The following AQR variants were observed in gnomAD, a reference collection of about 807,000 sequenced individuals.
AQR encodes the protein RNA helicase aquarius.
In AQR, 61 loss-of-function variants were observed where a neutral mutation model predicts 180.5. The observed-to-expected ratio is 0.34, with a 90% confidence interval of 0.28 to 0.42. The LOEUF (loss-of-function observed/expected upper bound fraction) is 0.42. AQR is among the 10% of genes least tolerant of loss of function. The pLI is 1.00. For synonymous variants in AQR, 551 were observed against 588.8 expected (o/e 0.94, Z 0.93); for missense variants, 1,281 against 1,798.3 (o/e 0.71, Z 5.20).
At chr15:34,873,424 T>C (rs1772818931) in intron 30 of AQR, among the ~76,000 whole-genome samples, 1 of 152,172 alleles carries the variant, frequency 6.6e-6, no homozygotes, top group Admixed American at 6.6e-5. Context: ...ATTCATATTT[T>C]CCTGTTAGTC....
chr15:34,949,704 C>G (rs1894188806), intron 4 of AQR, among the ~76,000 whole-genome samples: 1 of 150,738 alleles, frequency 6.6e-6, no homozygotes, highest in African/African-American at 2.4e-5. Context: ...CACCTGTAAT[C>G]CCAGTACTTT....
intron 34 of AQR, among the ~76,000 whole-genome samples, chr15:34,858,236 A>G (rs899798444): frequency 4.7e-5 from 7 of 150,082 alleles, no homozygotes; most frequent in East Asian, 2.0e-4. Flanking sequence ...CACCTACCTC[A>G]GCCTCCCAAA....
intron 27 of AQR, among the ~76,000 whole-genome samples, chr15:34,876,306 T>C (rs1892888951): frequency 6.6e-6 from 1 of 152,218 alleles, no homozygotes; most frequent in South Asian, 2.1e-4. Context: ...TTTGGTTCTT[T>C]TCAATTTAGT....
At position 34,856,776 on chromosome 15, in the gene AQR, A is replaced by G. The variant is rs202088043; in HGVS notation, c.*16T>C. 4.7e-6 allele frequency: 7 copies of G among 1,494,998 alleles called. No homozygotes were observed. The highest frequency in any genetic ancestry group is 5.3e-6 in the Non-Finnish European group (6 of 1,121,870). The allele number at this position is 1,494,998 out of a possible 1,614,324, so 92.6% of individuals were successfully genotyped here. On this transcript the variant is annotated 3_prime_UTR_variant, in exon 35 of 35. Coordinates refer to ENST00000156471, the MANE Select transcript of AQR (RefSeq NM_014691.3). The stretch of plus-strand genomic sequence containing the variant: ...TTTTGACTGCCATGTCCTCCTTTAG[A>G]AGGACTACAGTTTGGCTACTTGGTC...
intron 19 of AQR, among the ~76,000 whole-genome samples, chr15:34,903,907 A>G (rs1465386169): frequency 1.3e-5 from 2 of 152,098 alleles, no homozygotes; most frequent in African/African-American, 4.8e-5. Flanking sequence ...ACGTATAGTA[A>G]TTCAGAGCCT....
chr15:34,938,358 A>G (rs1595803801), intron 9 of AQR, among the ~76,000 whole-genome samples: 1 of 151,636 alleles, frequency 6.6e-6, no homozygotes, highest in South Asian at 2.1e-4. Context: ...ACATGGAGAA[A>G]CCCCGTCTCT....
At chr15:34,882,285 C>G (rs1042118912) in intron 27 of AQR, among the ~76,000 whole-genome samples, 1 of 151,874 alleles carries the variant, frequency 6.6e-6, no homozygotes, top group African/African-American at 2.4e-5. Flanking sequence ...TTTGGTCAGA[C>G]AACCATATGG....
intron 1 of AQR, among the ~76,000 whole-genome samples, chr15:34,966,044 T>G (rs1417204208): frequency 6.6e-6 from 1 of 152,220 alleles, no homozygotes; most frequent in African/African-American, 2.4e-5. Flanking sequence ...TCTCACAGTA[T>G]ATACACATTG....
rs909045835 is a variant in AQR at position 34,857,320 on chromosome 15, T to C, written c.4144-214A>G. Among the ~76,000 whole-genome samples the C allele has an allele frequency of 5.9e-5, 9 of 152,254 alleles. 1 individual carries two copies. The South Asian group carries it at 1.7e-3, about 28-fold the overall frequency. On this transcript the variant is annotated intron_variant, in intron 34 of 34. Coordinates refer to ENST00000156471, the MANE Select transcript of AQR (RefSeq NM_014691.3). ...ACTGATAATCAAAATACATATAAAATCTTCAGAGAGGAAAACAACCATGAA... is the reference window on the plus strand; with the variant it reads ...ACTGATAATCAAAATACATATAAAACCTTCAGAGAGGAAAACAACCATGAA...
intron 24 of AQR, among the ~76,000 whole-genome samples, chr15:34,887,527 A>G (rs1019204735): frequency 6.6e-6 from 1 of 152,234 alleles, no homozygotes; most frequent in African/African-American, 2.4e-5. Flanking sequence ...TCAGTAAGAA[A>G]ACTGAAGTTT....
intron 16 of AQR, among the ~76,000 whole-genome samples, chr15:34,910,780 CAGTT>C (rs1008139698): frequency 2.6e-5 from 4 of 152,192 alleles, no homozygotes; most frequent in Non-Finnish European, 5.9e-5. Flanking sequence ...ATTACCAACA[CAGTT>C]AGCATTTTTT....
chr15:34,932,203 G>T (rs568056870), intron 11 of AQR, 115 bp downstream of exon 11: 3 of 796,256 alleles, frequency 3.8e-6, no homozygotes, highest in East Asian at 2.8e-5. Context: ...ATTAAGACAT[G>T]ACTTTAAAAT....
chr15:34,868,826 C>T (rs1428595474), intron 31 of AQR: 2 of 152,202 alleles, frequency 1.3e-5, no homozygotes, highest in Non-Finnish European at 2.9e-5. Context: ...TGTATGTGTA[C>T]ATGAGAAATT....
chr15:34,863,063 A>G, intron 32 of AQR, 22 bp from the exon 33 acceptor site: 1 of 1,598,960 alleles, frequency 6.3e-7, no homozygotes, highest in African/African-American at 1.4e-5. Flanking sequence ...AAACAAAATA[A>G]TTAGCACACT....
intron 16 of AQR, among the ~76,000 whole-genome samples, chr15:34,911,175 T>A (rs1262733624): frequency 6.6e-6 from 1 of 152,196 alleles, no homozygotes; most frequent in Non-Finnish European, 1.5e-5. Context: ...ACACCACATT[T>A]TCACATTTTC....
chr15:34,947,182 C>G (rs1185010373), intron 5 of AQR, among the ~76,000 whole-genome samples: 1 of 147,112 alleles, frequency 6.8e-6, no homozygotes, highest in Admixed American at 6.7e-5. Flanking sequence ...ATTCTTCTGC[C>G]TTGGGATCCT....
At chr15:34,950,579 G>A (rs748357743) in intron 4 of AQR, among the ~76,000 whole-genome samples, 1 of 114,124 alleles carries the variant, frequency 8.8e-6, no homozygotes, top group Non-Finnish European at 2.1e-5. Context: ...TTAGTATCTT[G>A]TTTCTTTCTC....
intron 9 of AQR, 51 bp from the exon 10 acceptor site, chr15:34,934,686 C>A: frequency 7.7e-7 from 1 of 1,296,584 alleles, no homozygotes; most frequent in Non-Finnish European, 1.1e-6. Flanking sequence ...GGCCATTTTG[C>A]ATGCTGTTTC....
At chr15:34,857,963 TTGAA>T (rs1183960143) in intron 34 of AQR, among the ~76,000 whole-genome samples, 1 of 152,022 alleles carries the variant, frequency 6.6e-6, no homozygotes, top group Non-Finnish European at 1.5e-5. Context: ...ATGCTGGAAA[TTGAA>T]TGAATGAATT....
Sources: gnomAD v4.1 joint callset for allele counts (sites outside exome capture counted in the v4.1 genomes callset) on GRCh38, gnomAD v4.1.1 for gene constraint, MANE v1.5 for transcripts, NCBI Gene and HGNC (gene_info 2026-07-23, HGNC 2026-07-21) for gene names.